Variants in LGR4 observed in about 807,000 individuals in gnomAD.
LGR4 encodes the protein leucine rich repeat containing G protein-coupled receptor 4, also known as leucine-rich repeat-containing G protein-coupled receptor 4.
LGR4 carries 44 observed loss-of-function variants against 84.8 expected under a neutral mutation model. The ratio of observed to expected loss-of-function variants is 0.52; its 90% CI spans 0.41 to 0.67. The LOEUF is 0.67. Ranked by LOEUF, LGR4 falls within the 30% of genes least tolerant of loss-of-function variation. The pLI is 0.00. For missense variants in LGR4, 1,032 were observed against 1,131.4 expected, an observed-to-expected ratio of 0.91 and a Z score of 1.26; for synonymous variants, 429 against 434.3, an observed-to-expected ratio of 0.99 and a Z score of 0.15.
At chr11:27,424,183 C>T (rs1863977477) in intron 1 of LGR4, among the ~76,000 whole-genome samples, 1 of 152,094 alleles carries the variant, frequency 6.6e-6, no homozygotes, top group Admixed American at 6.5e-5. Context: ...CCAGCAAAAC[C>T]AGCCACACAC....
Position 27,380,680 on chromosome 11 carries a change from C to T in LGR4, c.862G>A (p.Gly288Arg), listed in dbSNP as rs2133369068. The T allele has an allele frequency of 1.2e-6, 2 of 1,602,892 alleles. No homozygotes were observed. The highest frequency in any genetic ancestry group is 1.7e-6 in the Non-Finnish European group (2 of 1,171,762). The change falls in exon 9 of 18, where the codon GGG (glycine) becomes AGG (arginine). Residue 288 changes from glycine (G) to arginine (R), a missense_variant. By Grantham distance (125) the Gly-to-Arg change is moderately radical. Transcript: ENST00000379214. Reference sequence around the variant, plus strand: ...GATAAATTGTGAAATGCTGAGTTCCCCACAAAAGACAGAGGATTATCATAC... The same window carrying T: ...GATAAATTGTGAAATGCTGAGTTCCTCACAAAAGACAGAGGATTATCATAC... ...HLYDNPLSFV[G>R]NSAFHNLSDL...
intron 4 of LGR4, 72 bp downstream of exon 4, chr11:27,391,022 A>G: frequency 2.3e-6 from 2 of 865,250 alleles, no homozygotes; most frequent in Non-Finnish European, 3.7e-6. Context: ...CTTTCCTTAC[A>G]ATTCTAGTTA....
intron 4 of LGR4, among the ~76,000 whole-genome samples, chr11:27,389,450 G>T (rs1331459266): frequency 1.3e-5 from 2 of 152,004 alleles, no homozygotes; most frequent in Non-Finnish European, 2.9e-5. Flanking sequence ...TGATTTCTGT[G>T]AAAAACATCA....
rs1438608679 is a variant in LGR4, at chr11:27,412,770, T to G, written c.257+19A>C. 8 of 1,428,824 alleles carry G rather than the reference T, an allele frequency of 5.6e-6. No homozygotes were observed. The highest frequency in any genetic ancestry group is 6.9e-6 in the Non-Finnish European group (7 of 1,012,084). 88.5% of individuals were successfully genotyped at this position (1,428,824 alleles called of 1,614,324 possible). On this transcript the variant is annotated intron_variant, in intron 2 of 17. Coordinates refer to ENST00000379214, the MANE Select transcript of LGR4 (RefSeq NM_018490.5). ...TGGGGAAAAAGACATACACACACAT[T>G]TCTCAAAGTAATACTTACAGCTCTT...
intron 10 of LGR4, chr11:27,379,024 G>A (rs989947968): frequency 6.3e-6 from 3 of 475,490 alleles, no homozygotes; most frequent in African/African-American, 6.0e-5. Flanking sequence ...TGGACCAGGA[G>A]GAAAACACTA....
In LGR4 at chr11:27,396,132, T is replaced by A. The variant is rs903199919; in HGVS notation, c.258-3614A>T. On this transcript the variant is annotated intron_variant, in intron 2 of 17. Coordinates refer to ENST00000379214, the MANE Select transcript of LGR4 (RefSeq NM_018490.5). ...TGGCATAAGTCACACTGCTTGTACATGAAGGAGCCAGCATTCCAGTTCTCT... is the reference window on the plus strand; with the variant it reads ...TGGCATAAGTCACACTGCTTGTACAAGAAGGAGCCAGCATTCCAGTTCTCT... 4.6e-5 allele frequency among the ~76,000 whole-genome samples: 7 copies of A among 152,178 alleles called. No homozygotes were observed. In the South Asian group the frequency reaches 6.2e-4, roughly 14 times the overall value.
At chr11:27,386,231 A>C (rs1033664160) in intron 4 of LGR4, among the ~76,000 whole-genome samples, 3 of 152,236 alleles carry the variant, frequency 2.0e-5, no homozygotes, top group African/African-American at 7.2e-5. Context: ...TAATAGGATT[A>C]CTTATATTTA....
chr11:27,415,697 G>A (rs1863802675), intron 1 of LGR4, among the ~76,000 whole-genome samples: 1 of 152,078 alleles, frequency 6.6e-6, no homozygotes, highest in Non-Finnish European at 1.5e-5. Flanking sequence ...TACTTTCTGG[G>A]ATTCAGTTAC....
At chr11:27,454,225 G>T (rs1171177034) in intron 1 of LGR4, among the ~76,000 whole-genome samples, 2 of 152,154 alleles carry the variant, frequency 1.3e-5, no homozygotes, top group African/African-American at 2.4e-5. Context: ...CTCCTTTCCA[G>T]ATCAAACCCA....
chr11:27,461,954 C>T (rs1864692225), intron 1 of LGR4, among the ~76,000 whole-genome samples: 1 of 151,238 alleles, frequency 6.6e-6, no homozygotes, highest in South Asian at 2.1e-4. Flanking sequence ...CTCAGTCTCC[C>T]AAGTAGCTGG....
chr11:27,426,482 G>A (rs1183792253), intron 1 of LGR4, among the ~76,000 whole-genome samples: 3 of 152,162 alleles, frequency 2.0e-5, no homozygotes, highest in East Asian at 1.9e-4. Context: ...AAAGCACAGT[G>A]GTTAACAATT....
intron 12 of LGR4, among the ~76,000 whole-genome samples, chr11:27,376,626 T>C (rs1280826221): frequency 2.0e-5 from 3 of 152,192 alleles, no homozygotes; most frequent in Non-Finnish European, 4.4e-5. Context: ...TCCCATATTA[T>C]ACTGGGAATT....
At chr11:27,369,955 A>C (rs1488844996) in intron 17 of LGR4, among the ~76,000 whole-genome samples, 1 of 152,212 alleles carries the variant, frequency 6.6e-6, no homozygotes, top group African/African-American at 2.4e-5. Flanking sequence ...GCTATGTACA[A>C]TAAAATCCTA....
chr11:27,428,327 C>T (rs1363710018), intron 1 of LGR4, among the ~76,000 whole-genome samples: 4 of 151,918 alleles, frequency 2.6e-5, no homozygotes, highest in African/African-American at 9.7e-5. Context: ...TTAGTAGAGA[C>T]GATGTTTCAC....
intron 1 of LGR4, among the ~76,000 whole-genome samples, chr11:27,444,224 C>A (rs181188927): frequency 6.6e-6 from 1 of 151,996 alleles, no homozygotes; most frequent in Admixed American, 6.5e-5. Flanking sequence ...AAGTTCTTTC[C>A]ATTTCAGGCT....
chr11:27,422,517 G>A (rs1395895388), intron 1 of LGR4, among the ~76,000 whole-genome samples: 4 of 152,178 alleles, frequency 2.6e-5, no homozygotes, highest in Non-Finnish European at 4.4e-5. Context: ...ATGTTGTAAA[G>A]GTAAGTATCA....
In LGR4 at chr11:27,467,296, G is replaced by A. The variant is rs552962913; in HGVS notation, c.185+4822C>T. ...TAAAAATCAAAATAAGGCGGGGCACGATGGCTTGTACCTGTAATCCCAGCA... is the reference window on the plus strand; with the variant it reads ...TAAAAATCAAAATAAGGCGGGGCACAATGGCTTGTACCTGTAATCCCAGCA... On this transcript the variant is annotated intron_variant, in intron 1 of 17. Transcript: ENST00000379214. 4.7e-4 allele frequency among the ~76,000 whole-genome samples: 72 copies of A among 151,960 alleles called. 4 individuals carry two copies. The South Asian group carries it at 0.015, about 31-fold the overall frequency.
chr11:27,437,453 A>G (rs545223935), intron 1 of LGR4, among the ~76,000 whole-genome samples: 1 of 152,264 alleles, frequency 6.6e-6, no homozygotes, highest in South Asian at 2.1e-4. Flanking sequence ...CATAAAATGC[A>G]TTTTTTATCA....
chr11:27,384,786 G>A (rs186453520), intron 5 of LGR4, among the ~76,000 whole-genome samples: 1 of 152,202 alleles, frequency 6.6e-6, no homozygotes, highest in African/African-American at 2.4e-5. Flanking sequence ...TGGAGGAAGT[G>A]TGTAGTTTAC....
Sources: allele counts gnomAD v4.1 joint callset (sites outside exome capture counted in the v4.1 genomes callset), GRCh38; gene constraint gnomAD v4.1.1; transcripts MANE v1.5; gene names NCBI Gene and HGNC (gene_info 2026-07-23, HGNC 2026-07-21).